The following PITPNM3 variants were observed in gnomAD, a reference collection of about 807,000 sequenced individuals.
The protein encoded by PITPNM3 is PITPNM family member 3.
A neutral mutation model predicts 102.0 loss-of-function variants in PITPNM3; 26 were observed. The ratio of observed to expected loss-of-function variants is 0.25; its 90% CI spans 0.19 to 0.35. The LOEUF (loss-of-function observed/expected upper bound fraction) is 0.35. Among genes scored for constraint, PITPNM3 ranks in the 10% least tolerant of loss-of-function variants. The pLI is 1.00. For missense variants in PITPNM3, 1,083 were observed against 1,346.1 expected, an observed-to-expected ratio of 0.80 and a Z score of 3.06; for synonymous variants, 578 against 558.6, an observed-to-expected ratio of 1.03 and a Z score of -0.49.
At chr17:6,487,844 G>A (rs1159652113) in intron 4 of PITPNM3, among the ~76,000 whole-genome samples, 1 of 152,166 alleles carries the variant, frequency 6.6e-6, no homozygotes, top group Admixed American at 6.5e-5. Flanking sequence ...CTGGTTCCGT[G>A]GGGATGGGAG....
At chr17:6,476,544 G>A (rs376926442) in intron 9 of PITPNM3, among the ~76,000 whole-genome samples, 13 of 152,306 alleles carry the variant, frequency 8.5e-5, no homozygotes, top group African/African-American at 3.1e-4. Context: ...ACTTGGGATA[G>A]GGAGACCAGA....
intron 3 of PITPNM3, among the ~76,000 whole-genome samples, chr17:6,521,847 C>A (rs1276792286): frequency 1.3e-5 from 2 of 152,180 alleles, no homozygotes. Context: ...ACCAACCTGA[C>A]CTCAGCCTGT....
At chr17:6,467,041 C>G (rs143518782) in intron 14 of PITPNM3, among the ~76,000 whole-genome samples, 2 of 122,176 alleles carry the variant, frequency 1.6e-5, no homozygotes, top group East Asian at 4.7e-4. Context: ...CCAGCCTGGG[C>G]GACAGAACAA....
chr17:6,478,456 T>C lies in PITPNM3; in HGVS notation c.777+91A>G. 6.7e-7 allele frequency: 1 copy of C among 1,499,970 alleles called. No individual in the cohort carries two copies. Among genetic ancestry groups the C allele is most frequent in the East Asian group, 2.3e-5 (1 of 43,464 alleles). The allele number at this position is 1,499,970 out of a possible 1,614,324, so 92.9% of individuals were successfully genotyped here. A position where few individuals can be genotyped will look rare whatever the true frequency, so the allele number is the denominator to read the frequency against. On this transcript the variant is annotated intron_variant, in intron 7 of 19. Coordinates refer to ENST00000262483, the MANE Select transcript of PITPNM3 (RefSeq NM_031220.4). The surrounding 1 kb of genome is among the most constrained non-coding windows in gnomAD (Gnocchi z 4.4). Reference sequence around the variant, plus strand: ...CTCAGAGGCTGATTCGAGAACAGCCTGGCCTTGGCCCTTTCAGTAGATTCC... The same window carrying C: ...CTCAGAGGCTGATTCGAGAACAGCCCGGCCTTGGCCCTTTCAGTAGATTCC...
intron 2 of PITPNM3, among the ~76,000 whole-genome samples, chr17:6,535,435 T>C (rs1040807775): frequency 5.9e-5 from 9 of 152,046 alleles, no homozygotes; most frequent in Non-Finnish European, 1.0e-4. Context: ...AGGTTAGCAG[T>C]TGGCAAATCA....
At position 6,472,610 on chromosome 17, in the gene PITPNM3, G is replaced by A. The variant is rs1359375242; in HGVS notation, c.1429+47C>T. 1 of 1,585,992 alleles carries A rather than the reference G, an allele frequency of 6.3e-7. No homozygotes were observed. Among genetic ancestry groups the A allele is most frequent in the Non-Finnish European group, 8.6e-7 (1 of 1,166,944 alleles). On this transcript the variant is annotated intron_variant, in intron 11 of 19. Coordinates refer to ENST00000262483, the MANE Select transcript of PITPNM3 (RefSeq NM_031220.4). The surrounding 1 kb of genome is among the most constrained non-coding windows in gnomAD (Gnocchi z 4.1). The stretch of plus-strand genomic sequence containing the variant: ...GCTTGGAGGGGTTGAATGGGCTGGG[G>A]CCCCACCTCCAGCTCAGCACACTCT...
At chr17:6,498,246 C>T (rs541161315) in intron 4 of PITPNM3, among the ~76,000 whole-genome samples, 2 of 152,366 alleles carry the variant, frequency 1.3e-5, no homozygotes, top group East Asian at 3.9e-4. Flanking sequence ...TGCAGAGGAA[C>T]TGCTTCTGTC....
At chr17:6,548,731 C>A (rs569651731) in intron 1 of PITPNM3, among the ~76,000 whole-genome samples, 1 of 152,190 alleles carries the variant, frequency 6.6e-6, no homozygotes, top group East Asian at 1.9e-4. Flanking sequence ...TAGGTCTCTC[C>A]CCAAGGAGGG....
intron 3 of PITPNM3, among the ~76,000 whole-genome samples, chr17:6,512,481 T>C (rs1907922049): frequency 6.6e-6 from 1 of 152,296 alleles, no homozygotes; most frequent in South Asian, 2.1e-4. Context: ...GGCTCTCAAA[T>C]TTTAGTGCAT....
chr17:6,544,294 G>A (rs751750585), intron 1 of PITPNM3, among the ~76,000 whole-genome samples: 3 of 152,220 alleles, frequency 2.0e-5, no homozygotes, highest in Non-Finnish European at 2.9e-5. Flanking sequence ...GGAGGCCAAG[G>A]TAGGAGGATT....
chr17:6,544,356 C>G (rs767382759), intron 1 of PITPNM3, among the ~76,000 whole-genome samples: 7 of 152,084 alleles, frequency 4.6e-5, no homozygotes, highest in Non-Finnish European at 1.0e-4. Context: ...GAGACCCCAT[C>G]TGTACAAAAA....
chr17:6,474,856 G>A (rs943371267), intron 9 of PITPNM3, among the ~76,000 whole-genome samples: 8 of 152,210 alleles, frequency 5.3e-5, no homozygotes, highest in African/African-American at 1.9e-4. Flanking sequence ...TATTTCAGAC[G>A]ACATGGACCG....
In PITPNM3 at chr17:6,480,381, G is replaced by C. The variant is rs1483143626; in HGVS notation, c.588-1645C>G. On this transcript the variant is annotated intron_variant, in intron 6 of 19. Transcript: ENST00000262483. ...AAGGGGCTTGCCCGTGCTCTCTCCT[G>C]ACTGGCTGGAAGCTCCAGGGCAGGG... is the stretch of plus-strand genomic sequence containing the variant. 11 of 152,262 alleles carry C rather than the reference G, an allele frequency of 7.2e-5. No homozygotes were observed. In the East Asian group the frequency reaches 2.1e-3, roughly 29 times the overall value. The allele number at this position is 152,262 out of a possible 1,614,324, so 9.4% of individuals were successfully genotyped here.
In PITPNM3 at chr17:6,472,751, C is replaced by T. The variant is rs1262604920; in HGVS notation, c.1335G>A (p.Glu445=). ...GGTGGAACTTGGGCTCCAGCAGTGG[C>T]TCGAGCCGTGAGGCAGAGGGGTCTG... is the stretch of plus-strand genomic sequence containing the variant. The part of the protein sequence containing the change: ...HCADPSASRL[E]PLLEPKFHLV... The change falls in exon 11 of 20, where the codon GAG becomes GAA. Residue 445 remains glutamate, a synonymous_variant. Transcript: ENST00000262483. The surrounding 1 kb of genome is among the most constrained non-coding windows in gnomAD (Gnocchi z 4.1). 2 of 1,612,840 alleles carry T rather than the reference C, an allele frequency of 1.2e-6. No homozygotes were observed. The highest frequency in any genetic ancestry group is 2.2e-5 in the East Asian group (1 of 44,854).
chr17:6,526,664 C>A (rs1430885706), intron 2 of PITPNM3, among the ~76,000 whole-genome samples: 1 of 152,208 alleles, frequency 6.6e-6, no homozygotes, highest in Non-Finnish European at 1.5e-5. Flanking sequence ...CTTAACAACA[C>A]TTATCTAACC....
chr17:6,458,588 A>G lies in PITPNM3; in HGVS notation c.2491-866T>C, dbSNP rs999548792. ...TGCCCCTCTAACTGTGAACTTCCAC[A>G]TGTCCGCTCCGCTCAGGGCTTCTGC... is the stretch of plus-strand genomic sequence containing the variant. On this transcript the variant is annotated intron_variant, in intron 18 of 19. Transcript: ENST00000262483. This position sits in a 1 kb window ranked among gnomAD's most constrained non-coding sequence, Gnocchi z 5.1. 3.9e-5 allele frequency among the ~76,000 whole-genome samples: 6 copies of G among 152,004 alleles called. No individual in the cohort carries two copies. The highest frequency in any genetic ancestry group is 3.3e-4 in the Admixed American group (5 of 15,274).
intron 1 of PITPNM3, among the ~76,000 whole-genome samples, chr17:6,554,318 CAAAA>C (rs35188321): frequency 6.7e-5 from 5 of 74,546 alleles, no homozygotes; most frequent in Non-Finnish European, 5.1e-5. Flanking sequence ...GACTCCATCT[CAAAA>C]AAAAAAAAAA....
chr17:6,533,835 G>A (rs193266258), intron 2 of PITPNM3, among the ~76,000 whole-genome samples: 22 of 152,256 alleles, frequency 1.4e-4, no homozygotes, highest in Admixed American at 1.0e-3. Context: ...AGCTCCATTG[G>A]CTGGGGCAGG....
At chr17:6,461,259 G>T in intron 18 of PITPNM3, 114 bp downstream of exon 18, 3 of 1,295,116 alleles carry the variant, frequency 2.3e-6, no homozygotes, top group Non-Finnish European at 3.3e-6. Context: ...ACGGGAATGG[G>T]ATTTACAGAC....
Sources: allele counts gnomAD v4.1 joint callset (sites outside exome capture counted in the v4.1 genomes callset), GRCh38; gene constraint gnomAD v4.1.1; non-coding constraint Gnocchi (gnomAD v3.1); transcripts MANE v1.5; gene names NCBI Gene and HGNC (gene_info 2026-07-23, HGNC 2026-07-21).